The following DNAH8 variants were observed in gnomAD, a reference collection of about 807,000 sequenced individuals.
DNAH8 encodes dynein axonemal heavy chain 8.
DNAH8 carries 382 observed loss-of-function variants against 562.1 expected under a neutral mutation model. The ratio of observed to expected loss-of-function variants is 0.68; its 90% CI spans 0.63 to 0.74. DNAH8 has a LOEUF of 0.74. DNAH8 is among the 30% of genes least tolerant of loss of function. The probability of loss-of-function intolerance (pLI) is 0.00; values close to 1 mark genes in which losing one functional copy is unlikely to be tolerated. For missense variants in DNAH8, 5,203 were observed against 5,620.4 expected (o/e 0.93, Z 2.37); for synonymous variants, 1,881 against 1,919.4 (o/e 0.98, Z 0.52).
In DNAH8 at chr6:38,907,511, A is replaced by G. The variant is rs1583321561; in HGVS notation, c.9349-445A>G. 3.9e-5 allele frequency among the ~76,000 whole-genome samples: 6 copies of G among 152,354 alleles called. No homozygotes were observed. The South Asian group carries it at 1.2e-3, about 32-fold the overall frequency. On this transcript the variant is annotated intron_variant, in intron 63 of 92. Coordinates refer to ENST00000327475, the MANE Select transcript of DNAH8 (RefSeq NM_001206927.2). ...CATTCCAAAAGCCAAGTTCCCTGAT[A>G]ACAGACAAGGGTCAGCTCTGCAAGC...
rs775202503 is a variant in DNAH8, at chr6:38,883,367, G to T, written c.8047G>T (p.Val2683Phe). The T allele has an allele frequency of 9.9e-6, 16 of 1,613,170 alleles. No individual in the cohort carries two copies. The highest frequency in any genetic ancestry group is 1.3e-5 in the African/African-American group (1 of 74,890). ...GEQGTAKTVM[V>F]KAYLKKYDPE... ...GCAGGGAACTGCAAAAACTGTCATG[G>T]TTAAGGCCTATTTGAAAAAATATGA... The change falls in exon 55 of 93, where the codon GTT (valine) becomes TTT (phenylalanine). Residue 2683 changes from valine (V) to phenylalanine (F), a missense_variant. This residue lies in a region of DNAH8 where 977 missense variants were observed against 1,061.8 expected (regional missense o/e 0.92). Coordinates refer to ENST00000327475, the MANE Select transcript of DNAH8 (RefSeq NM_001206927.2).
chr6:38,907,131 A>T (rs574003341), intron 63 of DNAH8, among the ~76,000 whole-genome samples: 44 of 152,322 alleles, frequency 2.9e-4, no homozygotes, highest in African/African-American at 1.1e-3. Context: ...CACAGTAAGG[A>T]TACAGAGCCA....
chr6:38,851,699 A>C (rs752130285), intron 39 of DNAH8, 25 bp downstream of exon 39: 2 of 1,479,930 alleles, frequency 1.4e-6, no homozygotes, highest in Non-Finnish European at 1.9e-6. Context: ...TCTGTGATCT[A>C]ACTTGCTTTT....
rs760698235 is a variant in DNAH8 at position 38,761,823 on chromosome 6, T to C, written c.1617+20T>C. ...ATTCAGGTTTGTAGAAGTACTTTTA[T>C]TTTCATAAACTAAATCTTTTCCCAT... On this transcript the variant is annotated intron_variant, in intron 11 of 92. Transcript: ENST00000327475. 1.3e-5 allele frequency: 19 copies of C among 1,412,956 alleles called. 1 individual carries two copies. The South Asian group carries it at 2.2e-4, about 16-fold the overall frequency. 87.5% of individuals were successfully genotyped at this position (1,412,956 alleles called of 1,614,324 possible).
chr6:38,791,674 G>A lies in DNAH8; in HGVS notation c.2901G>A (p.Glu967=), dbSNP rs762902639. 6.2e-7 allele frequency: 1 copy of A among 1,608,042 alleles called. No individual in the cohort carries two copies. Among genetic ancestry groups the A allele is most frequent in the African/African-American group, 1.3e-5 (1 of 74,534 alleles). Residue 967 remains glutamate, a splice_region_variant and synonymous_variant, in exon 21 of 93, where the codon GAG becomes GAA. Transcript: ENST00000327475. ...TKVEDMLTLN[E]TYTKEWADIL... is the part of the protein sequence containing the mutation. ...TAGAAGATATGTTGACCCTCAATGA[G>A]GTATGCATTTGTTCATTAAATTAGA...
chr6:38,832,867 A>G (rs544992124), intron 31 of DNAH8, among the ~76,000 whole-genome samples: 61 of 151,878 alleles, frequency 4.0e-4, no homozygotes, highest in Non-Finnish European at 7.8e-4. Context: ...AAAAGGAGCA[A>G]CAACTTTGGA....
At chr6:38,878,998 CAATTGTA>C (rs1189253327) in intron 53 of DNAH8, among the ~76,000 whole-genome samples, 1 of 151,896 alleles carries the variant, frequency 6.6e-6, no homozygotes, top group Non-Finnish European at 1.5e-5. Context: ...TAAATATATA[CAATTGTA>C]AATTGTCAAT....
chr6:38,773,569 C>A (rs1438507346), intron 12 of DNAH8, among the ~76,000 whole-genome samples: 1 of 152,188 alleles, frequency 6.6e-6, no homozygotes, highest in Non-Finnish European at 1.5e-5. Context: ...CCCCTAGAGG[C>A]CTTACCTGAA....
chr6:38,821,517 G>A (rs1043030845), intron 26 of DNAH8, among the ~76,000 whole-genome samples: 4 of 152,068 alleles, frequency 2.6e-5, no homozygotes, highest in Non-Finnish European at 2.9e-5. Flanking sequence ...GACCTATAAT[G>A]GCCAAAAAAA....
At chr6:38,761,034 T>C (rs190243424) in intron 10 of DNAH8, among the ~76,000 whole-genome samples, 209 of 151,948 alleles carry the variant, frequency 1.4e-3, no homozygotes, top group African/African-American at 4.9e-3. Flanking sequence ...CTTCCATCTT[T>C]GCCCTTTTCT....
intron 77 of DNAH8, among the ~76,000 whole-genome samples, chr6:38,936,024 ATT>A (rs397958545): frequency 1.8e-4 from 25 of 140,038 alleles, no homozygotes; most frequent in Admixed American, 3.6e-4. Flanking sequence ...TGCTCAATCT[ATT>A]TTTTTTTTTT....
intron 16 of DNAH8, 41 bp downstream of exon 16, chr6:38,781,414 T>C: frequency 6.2e-7 from 1 of 1,603,182 alleles, no homozygotes; most frequent in East Asian, 2.2e-5. Context: ...ATTTTGGTGG[T>C]TTTAATATAA....
intron 26 of DNAH8, among the ~76,000 whole-genome samples, chr6:38,819,883 A>G (rs1471366918): frequency 4.6e-5 from 7 of 152,208 alleles, no homozygotes; most frequent in Non-Finnish European, 1.0e-4. Context: ...GCCACAAACC[A>G]TAAGGTATTT....
rs749446329 is a variant in DNAH8 at position 38,761,793 on chromosome 6, A to G, written c.1607A>G (p.Lys536Arg). The G allele has an allele frequency of 1.9e-6, 3 of 1,547,822 alleles. No homozygotes were observed. Among genetic ancestry groups the G allele is most frequent in the Non-Finnish European group, 2.6e-6 (3 of 1,148,762 alleles). The change falls in exon 11 of 93, where the codon AAG (lysine) becomes AGG (arginine). Residue 536 changes from lysine to arginine, a missense_variant. This residue lies in a region of DNAH8 where 2,176 missense variants were observed against 2,365.1 expected (regional missense o/e 0.92). Transcript: ENST00000327475. ...GATCAGGAAACGCCAGTTGTACTAA[A>G]GAAAATTCAGGTTTGTAGAAGTACT... ...VWDQETPVVL[K>R]KIQDCIFLFK...
At chr6:38,774,130 C>T (rs1172204491) in intron 12 of DNAH8, among the ~76,000 whole-genome samples, 3 of 152,174 alleles carry the variant, frequency 2.0e-5, no homozygotes, top group Non-Finnish European at 4.4e-5. Context: ...TTGCTTCTTC[C>T]TCTTCCTGCC....
intron 88 of DNAH8, among the ~76,000 whole-genome samples, chr6:39,005,777 C>T (rs1335867120): frequency 6.6e-6 from 1 of 152,172 alleles, no homozygotes; most frequent in Non-Finnish European, 1.5e-5. Flanking sequence ...TTCTGGATTT[C>T]ATTGCTGCTG....
At chr6:38,874,237 CTCCCTCCCCTTCCCTTCCCTTCCCT>C in intron 52 of DNAH8, among the ~76,000 whole-genome samples, 1 of 66,284 alleles carries the variant, frequency 1.5e-5, no homozygotes, top group African/African-American at 6.1e-5. Context: ...TCTTTCTCCC[CTCCCTCCCCTTCCCTTCCCTTCCCT>C]TCCCTCCCCT....
At chr6:38,968,007 T>C (rs941848187) in intron 82 of DNAH8, among the ~76,000 whole-genome samples, 4 of 152,194 alleles carry the variant, frequency 2.6e-5, no homozygotes, top group Non-Finnish European at 5.9e-5. Context: ...TATGGTGAGT[T>C]GGTTCTCAAC....
chr6:38,797,121 C>T (rs757053593), intron 21 of DNAH8, among the ~76,000 whole-genome samples: 2 of 152,170 alleles, frequency 1.3e-5, no homozygotes, highest in Non-Finnish European at 2.9e-5. Context: ...GGGCTGGACG[C>T]GGTGACTCAT....
Sources: allele counts gnomAD v4.1 joint callset (sites outside exome capture counted in the v4.1 genomes callset), GRCh38; gene constraint gnomAD v4.1.1; regional missense constraint gnomAD v4.1.1; transcripts MANE v1.5; gene names NCBI Gene and HGNC (gene_info 2026-07-23, HGNC 2026-07-21).